Variants in PCDHGA7 observed in about 807,000 individuals in gnomAD.
PCDHGA7 encodes protocadherin gamma subfamily A, 7, also known as protocadherin gamma-A7.
PCDHGA7 carries 44 observed loss-of-function variants against 58.3 expected under a neutral mutation model. That is an observed-to-expected ratio of 0.75 (90% CI 0.59 to 0.97). The LOEUF is 0.97. PCDHGA7 is among the 50% of genes least tolerant of loss of function. The pLI is 0.00. For missense variants in PCDHGA7, 1,266 were observed against 1,188.7 expected (o/e 1.06, Z -0.96); for synonymous variants, 516 against 504.2 (o/e 1.02, Z -0.31).
intron 1 of PCDHGA7, chr5:141,423,256 G>T (rs751894091): frequency 1.4e-5 from 22 of 1,613,816 alleles, no homozygotes; most frequent in Middle Eastern, 1.6e-4. Flanking sequence ...GGCGGACCTC[G>T]GCAGCCTCGA....
chr5:141,461,591 C>T (rs1368759571), intron 1 of PCDHGA7, among the ~76,000 whole-genome samples: 1 of 152,088 alleles, frequency 6.6e-6, no homozygotes, highest in Non-Finnish European at 1.5e-5. Flanking sequence ...GTTATATTTC[C>T]ATTATAATTT....
intron 1 of PCDHGA7, among the ~76,000 whole-genome samples, chr5:141,458,596 G>A (rs907922436): frequency 1.8e-4 from 27 of 151,842 alleles, no homozygotes; most frequent in African/African-American, 5.8e-4. Flanking sequence ...TTGGAGACGA[G>A]TCTCACTCTG....
intron 1 of PCDHGA7, chr5:141,404,146 A>G: frequency 1.2e-6 from 2 of 1,613,058 alleles, no homozygotes; most frequent in Non-Finnish European, 1.7e-6. Context: ...AAAATTCAGA[A>G]GAAGATTATT....
At chr5:141,388,353 G>T in intron 1 of PCDHGA7, 1 of 1,613,976 alleles carries the variant, frequency 6.2e-7, no homozygotes, top group Non-Finnish European at 8.5e-7. Context: ...ATTAGGATCT[G>T]CCCATGATGC....
chr5:141,427,193 CTT>C (rs2096998045), intron 1 of PCDHGA7: 3 of 456,614 alleles, frequency 6.6e-6, no homozygotes, highest in Non-Finnish European at 8.8e-6. Context: ...AATCCAAAGA[CTT>C]AATAGACTTC....
intron 2 of PCDHGA7, among the ~76,000 whole-genome samples, chr5:141,501,092 C>A: frequency 6.6e-6 from 1 of 152,118 alleles, no homozygotes; most frequent in East Asian, 1.9e-4. Flanking sequence ...TGGTCTCAAT[C>A]TCTTGACCTC....
At chr5:141,393,515 T>C in intron 1 of PCDHGA7, 2 of 1,613,990 alleles carry the variant, frequency 1.2e-6, no homozygotes, top group Non-Finnish European at 1.7e-6. Context: ...CAGTGTTGGA[T>C]ACAAATGACA....
Position 141,490,683 on chromosome 5 carries a change from A to C in PCDHGA7, c.2425-4124A>C, listed in dbSNP as rs766019662. 6 of 1,614,088 alleles carry C rather than the reference A, an allele frequency of 3.7e-6. No homozygotes were observed. The highest frequency in any genetic ancestry group is 5.1e-6 in the Non-Finnish European group (6 of 1,180,034). On this transcript the variant is annotated intron_variant, in intron 1 of 3. Transcript: ENST00000518325. The surrounding 1 kb of genome is among the most constrained non-coding windows in gnomAD (Gnocchi z 5.4). ...TTTGCACTGTGGCTGCCTCAGATCCAGACACTGGGGATAATGCCCGCCTCA... is the reference window on the plus strand; with the variant it reads ...TTTGCACTGTGGCTGCCTCAGATCCCGACACTGGGGATAATGCCCGCCTCA...
Position 141,432,465 on chromosome 5 carries a change from C to T in PCDHGA7, c.2424+47142C>T. 3 of 1,614,222 alleles carry T rather than the reference C, an allele frequency of 1.9e-6. No individual in the cohort carries two copies. The highest frequency in any genetic ancestry group is 2.5e-6 in the Non-Finnish European group (3 of 1,180,050). On this transcript the variant is annotated intron_variant, in intron 1 of 3. Transcript: ENST00000518325. This position sits in a 1 kb window ranked among gnomAD's most constrained non-coding sequence, Gnocchi z 6.0. The stretch of plus-strand genomic sequence containing the variant: ...GAGATCCTGTACCCCGCCCTCCCCA[C>T]GGACGGTTCCACTGGCGTGGAGCTG...
chr5:141,422,715 T>C, intron 1 of PCDHGA7: 7 of 1,603,978 alleles, frequency 4.4e-6, no homozygotes, highest in African/African-American at 1.3e-5. Context: ...CGGATGACAC[T>C]GTCCAGGGGG....
intron 1 of PCDHGA7, chr5:141,398,327 G>C (rs1348307728): frequency 7.4e-7 from 1 of 1,353,452 alleles, no homozygotes; most frequent in Non-Finnish European, 1.0e-6. Flanking sequence ...CGAAAACTGC[G>C]CGTCAGTTCG....
chr5:141,410,174 G>A (rs1369332920), intron 1 of PCDHGA7: 4 of 1,613,588 alleles, frequency 2.5e-6, no homozygotes, highest in East Asian at 2.2e-5. Flanking sequence ...CTCTGCCACC[G>A]CCACGCTTCA....
intron 1 of PCDHGA7, among the ~76,000 whole-genome samples, chr5:141,439,221 T>G (rs145700274): frequency 1.2e-3 from 182 of 151,852 alleles, no homozygotes; most frequent in African/African-American, 4.3e-3. Flanking sequence ...ATGTGAAAAT[T>G]CTTAGAAGCT....
chr5:141,408,240 C>T (rs1012868761), intron 1 of PCDHGA7: 89 of 1,578,820 alleles, frequency 5.6e-5, no homozygotes, highest in Non-Finnish European at 7.3e-5. Context: ...CGGGCCGGCC[C>T]GCGGCAGGTG....
chr5:141,487,633 T>C lies in PCDHGA7; in HGVS notation c.2425-7174T>C. On this transcript the variant is annotated intron_variant, in intron 1 of 3. Transcript: ENST00000518325. The surrounding 1 kb of genome is among the most constrained non-coding windows in gnomAD (Gnocchi z 5.0). ...GGCTAGAGGTGAGACCTTTGCAGGCTCAACAAATGCTTGAGGGTTATTCTG... is the reference window on the plus strand; with the variant it reads ...GGCTAGAGGTGAGACCTTTGCAGGCCCAACAAATGCTTGAGGGTTATTCTG... 3 of 1,614,164 alleles carry C rather than the reference T, an allele frequency of 1.9e-6. No individual in the cohort carries two copies. The highest frequency in any genetic ancestry group is 2.7e-5 in the African/African-American group (2 of 75,052).
intron 1 of PCDHGA7, among the ~76,000 whole-genome samples, chr5:141,470,205 G>T (rs934926584): frequency 6.6e-6 from 1 of 152,094 alleles, no homozygotes; most frequent in Non-Finnish European, 1.5e-5. Flanking sequence ...AAATATGAAG[G>T]CTAAACCATT....
At position 141,486,027 on chromosome 5, in the gene PCDHGA7, C is replaced by A. The variant is rs2099623152; in HGVS notation, c.2425-8780C>A. 2 of 1,614,048 alleles carry A rather than the reference C, an allele frequency of 1.2e-6. No individual in the cohort carries two copies. Among genetic ancestry groups the A allele is most frequent in the African/African-American group, 2.7e-5 (2 of 74,912 alleles). On this transcript the variant is annotated intron_variant, in intron 1 of 3. Coordinates refer to ENST00000518325, the MANE Select transcript of PCDHGA7 (RefSeq NM_018920.4). The surrounding 1 kb of genome is among the most constrained non-coding windows in gnomAD (Gnocchi z 5.0). ...GTCACCTTTTATTTCAGTGGTCATA[C>A]CCCTGATCGTGTAAGAAACCTCTTT...
chr5:141,483,432 ACT>A (rs2099581241), intron 1 of PCDHGA7, among the ~76,000 whole-genome samples: 1 of 152,200 alleles, frequency 6.6e-6, no homozygotes, highest in African/African-American at 2.4e-5. Flanking sequence ...GAGGGAGCTG[ACT>A]ACAATAAAAT....
rs1410729947 is a variant in PCDHGA7 at position 141,493,256 on chromosome 5, T to TA, written c.2425-1550dup. 3.3e-5 allele frequency among the ~76,000 whole-genome samples: 5 copies of TA among 152,306 alleles called. No homozygotes were observed. The highest frequency in any genetic ancestry group is 1.2e-4 in the African/African-American group (5 of 41,570). ...TGGCTAGGTACTAACATGCCTCTCT[T>TA]ATAACAGCTTCACAGAGGTCAAGTG... On this transcript the variant is annotated intron_variant, in intron 1 of 3. Transcript: ENST00000518325. This position sits in a 1 kb window ranked among gnomAD's most constrained non-coding sequence, Gnocchi z 4.3.
Sources: allele counts gnomAD v4.1 joint callset (sites outside exome capture counted in the v4.1 genomes callset), GRCh38; gene constraint gnomAD v4.1.1; non-coding constraint Gnocchi (gnomAD v3.1); transcripts MANE v1.5; gene names NCBI Gene and HGNC (gene_info 2026-07-23, HGNC 2026-07-21).